The following MAGI1 variants were observed in gnomAD, a reference collection of about 807,000 sequenced individuals.
The protein encoded by MAGI1 is membrane associated guanylate kinase, WW and PDZ domain containing 1.
In MAGI1, 58 loss-of-function variants were observed where a neutral mutation model predicts 139.9. The observed-to-expected ratio is 0.41, with a 90% confidence interval of 0.34 to 0.52. MAGI1 has a LOEUF of 0.52. MAGI1 is among the 20% of genes least tolerant of loss of function. MAGI1 has a pLI of 0.12. For missense variants in MAGI1, 1,874 were observed against 1,901.6 expected (o/e 0.99, Z 0.27); for synonymous variants, 812 against 737.9 (o/e 1.10, Z -1.63).
chr3:65,914,404 C>A (rs2061802770), intron 1 of MAGI1, among the ~76,000 whole-genome samples: 1 of 152,182 alleles, frequency 6.6e-6, no homozygotes, highest in African/African-American at 2.4e-5. Context: ...ATCACAAATT[C>A]AAATGCCATC....
intron 8 of MAGI1, among the ~76,000 whole-genome samples, chr3:65,440,951 C>T (rs547991461): frequency 8.1e-4 from 122 of 151,260 alleles, no homozygotes; most frequent in African/African-American, 2.8e-3. Context: ...CAAGCATATA[C>T]GTATAAATAT....
chr3:65,838,603 A>G (rs1189585351), intron 1 of MAGI1, among the ~76,000 whole-genome samples: 1 of 152,198 alleles, frequency 6.6e-6, no homozygotes, highest in Non-Finnish European at 1.5e-5. Context: ...ATTCCATGGC[A>G]TGGATGTACC....
intron 1 of MAGI1, among the ~76,000 whole-genome samples, chr3:65,731,791 C>G (rs1330825680): frequency 6.6e-6 from 1 of 152,020 alleles, no homozygotes; most frequent in Non-Finnish European, 1.5e-5. Context: ...TATTTATCCC[C>G]AGGATTCGAA....
chr3:65,393,065 A>G (rs551980494), intron 13 of MAGI1, among the ~76,000 whole-genome samples: 16 of 152,240 alleles, frequency 1.1e-4, no homozygotes, highest in African/African-American at 3.9e-4. Context: ...CCACGTCACC[A>G]TTTTTCTCTT....
intron 1 of MAGI1, among the ~76,000 whole-genome samples, chr3:65,900,899 C>A (rs2061201866): frequency 6.6e-6 from 1 of 152,122 alleles, no homozygotes; most frequent in African/African-American, 2.4e-5. Context: ...GAAGTATATG[C>A]TAGGAGTGTG....
At chr3:65,398,323 G>C (rs766141444) in intron 13 of MAGI1, among the ~76,000 whole-genome samples, 1 of 152,006 alleles carries the variant, frequency 6.6e-6, no homozygotes, top group Non-Finnish European at 1.5e-5. Flanking sequence ...AAGATGGTGA[G>C]ACTCCCGCCT....
At chr3:65,553,618 C>T (rs1457154341) in intron 2 of MAGI1, among the ~76,000 whole-genome samples, 1 of 152,138 alleles carries the variant, frequency 6.6e-6, no homozygotes, top group African/African-American at 2.4e-5. Context: ...GCCCTAATAA[C>T]AGCGGTGCAA....
chr3:65,517,070 A>T (rs1178358445), intron 2 of MAGI1, among the ~76,000 whole-genome samples: 1 of 152,130 alleles, frequency 6.6e-6, no homozygotes, highest in East Asian at 1.9e-4. Flanking sequence ...ATTAAAACCC[A>T]GGTTTTCCTA....
chr3:65,905,916 G>A (rs922842756), intron 1 of MAGI1, among the ~76,000 whole-genome samples: 5 of 152,134 alleles, frequency 3.3e-5, no homozygotes, highest in South Asian at 4.1e-4. Context: ...GGTGCTTTCC[G>A]GATATAAGAA....
intron 1 of MAGI1, among the ~76,000 whole-genome samples, chr3:65,729,567 G>A (rs1396850766): frequency 6.6e-6 from 1 of 152,128 alleles, no homozygotes; most frequent in African/African-American, 2.4e-5. Context: ...TCTAACTCAG[G>A]GAAGAGCCAC....
chr3:65,463,027 G>A (rs1039620283), intron 5 of MAGI1, among the ~76,000 whole-genome samples: 1 of 152,166 alleles, frequency 6.6e-6, no homozygotes, highest in African/African-American at 2.4e-5. Context: ...AGGCTGAGAT[G>A]ATGGGGTTTT....
At chr3:65,538,021 G>A (rs2107887309) in intron 2 of MAGI1, among the ~76,000 whole-genome samples, 1 of 152,256 alleles carries the variant, frequency 6.6e-6, no homozygotes, top group South Asian at 2.1e-4. Flanking sequence ...TGTAATCCCA[G>A]CTACTTTGAA....
intron 2 of MAGI1, among the ~76,000 whole-genome samples, chr3:65,566,416 T>C (rs1309679609): frequency 2.6e-5 from 4 of 152,042 alleles, no homozygotes; most frequent in South Asian, 2.1e-4. Context: ...GTGATTTTTA[T>C]GTCTGCTGTT....
In MAGI1 at chr3:65,688,051, C is replaced by A. The variant is rs2088217492; in HGVS notation, c.314-65963G>T. The A allele has an allele frequency of 5.1e-6, 4 of 783,206 alleles. No homozygotes were observed. In the South Asian group the frequency reaches 5.3e-5, roughly 10 times the overall value. The allele number at this position is 783,206 out of a possible 1,614,324, so 48.5% of individuals were successfully genotyped here. On this transcript the variant is annotated intron_variant, in intron 1 of 22. Transcript: ENST00000402939. ...ACCCTGGATCCTAGGCCTACTAAGT[C>A]ATTATGCTGTGATAACCCCAACAGA...
intron 1 of MAGI1, among the ~76,000 whole-genome samples, chr3:65,751,320 G>T (rs1237556324): frequency 1.3e-5 from 2 of 152,154 alleles, no homozygotes; most frequent in Admixed American, 1.3e-4. Flanking sequence ...TGCACTGACA[G>T]AAAGAGCCTG....
intron 5 of MAGI1, among the ~76,000 whole-genome samples, chr3:65,469,017 T>G (rs1475042552): frequency 6.6e-6 from 1 of 150,960 alleles, no homozygotes. Flanking sequence ...ACACAAAGTA[T>G]AAAAAATTCA....
chr3:65,494,797 A>G (rs9828611), intron 2 of MAGI1, among the ~76,000 whole-genome samples: 2,460 of 152,362 alleles, frequency 0.016, 72 homozygotes, highest in African/African-American at 0.055. Context: ...ATCCACACCT[A>G]CACTGGATAT....
intron 1 of MAGI1, among the ~76,000 whole-genome samples, chr3:65,656,979 C>CAAAAAAA (rs58817001): frequency 2.7e-4 from 20 of 73,930 alleles, no homozygotes; most frequent in Admixed American, 3.6e-4. Context: ...GACACCATCT[C>CAAAAAAA]AAAAAAAAAA....
At chr3:65,604,182 C>T (rs1351808581) in intron 2 of MAGI1, among the ~76,000 whole-genome samples, 2 of 150,726 alleles carry the variant, frequency 1.3e-5, no homozygotes, top group African/African-American at 4.9e-5. Context: ...TGTTTAAAAA[C>T]ATCCAAATGC....
Sources: allele counts gnomAD v4.1 joint callset (sites outside exome capture counted in the v4.1 genomes callset), GRCh38; gene constraint gnomAD v4.1.1; transcripts MANE v1.5; gene names NCBI Gene and HGNC (gene_info 2026-07-23, HGNC 2026-07-21).